The following NRXN3 variants were observed in gnomAD, a reference collection of about 807,000 sequenced individuals.
The protein encoded by NRXN3 is neurexin 3.
Under a neutral mutation model 137.6 loss-of-function variants are expected in NRXN3, and 32 were observed. The observed-to-expected ratio is 0.23, with a 90% confidence interval of 0.18 to 0.31. The LOEUF (loss-of-function observed/expected upper bound fraction) is 0.31. Ranked by LOEUF, NRXN3 falls within the 10% of genes least tolerant of loss-of-function variation. NRXN3 has a pLI of 1.00. For synonymous variants in NRXN3, 798 were observed against 784.5 expected, an observed-to-expected ratio of 1.02 and a Z score of -0.29; for missense variants, 1,574 against 2,062.5, an observed-to-expected ratio of 0.76 and a Z score of 4.59.
chr14:79,155,063 A>G (rs529727320), intron 15 of NRXN3, among the ~76,000 whole-genome samples: 50 of 151,952 alleles, frequency 3.3e-4, no homozygotes, highest in African/African-American at 1.0e-3. Flanking sequence ...TTCATTGTCA[A>G]CTACTGGACT....
intron 15 of NRXN3, among the ~76,000 whole-genome samples, chr14:79,270,693 G>A (rs1359453378): frequency 2.6e-5 from 4 of 151,436 alleles, no homozygotes; most frequent in Admixed American, 6.6e-5. Flanking sequence ...AGCTAGGAAA[G>A]AACAACTAAT....
intron 18 of NRXN3, 112 bp from the exon 19 acceptor site, chr14:79,697,518 C>A (rs562421405): frequency 1.8e-6 from 2 of 1,102,764 alleles, no homozygotes; most frequent in East Asian, 4.9e-5. Context: ...ATTTTTTCCT[C>A]CCCTTCAATT....
At chr14:79,221,546 T>G (rs2069677758) in intron 15 of NRXN3, among the ~76,000 whole-genome samples, 1 of 152,222 alleles carries the variant, frequency 6.6e-6, no homozygotes, top group Non-Finnish European at 1.5e-5. Context: ...CACATAAATG[T>G]CTTCTTTTGA....
intron 17 of NRXN3, among the ~76,000 whole-genome samples, chr14:79,684,506 T>TAAAC (rs1204377458): frequency 2.6e-5 from 4 of 152,310 alleles, no homozygotes; most frequent in Middle Eastern, 3.4e-3. Flanking sequence ...TACAATTTTA[T>TAAAC]AAACACTGGC....
intron 1 of NRXN3, among the ~76,000 whole-genome samples, chr14:78,188,217 G>A (rs1437270171): frequency 6.6e-6 from 1 of 152,182 alleles, no homozygotes; most frequent in Non-Finnish European, 1.5e-5. Flanking sequence ...AAAGATTGTA[G>A]TCTAACTCCT....
At chr14:78,493,081 G>A (rs907741044) in intron 4 of NRXN3, among the ~76,000 whole-genome samples, 7 of 152,098 alleles carry the variant, frequency 4.6e-5, no homozygotes, top group African/African-American at 1.7e-4. Flanking sequence ...AGGATGCCTC[G>A]AAAGTGACCA....
intron 15 of NRXN3, among the ~76,000 whole-genome samples, chr14:79,213,683 A>G (rs147367150): frequency 0.015 from 2,314 of 151,910 alleles, 66 homozygotes; most frequent in African/African-American, 0.052. Flanking sequence ...TGAAGACAAA[A>G]CGAGGATTTA....
At chr14:78,378,504 A>G (rs2088358065) in intron 4 of NRXN3, among the ~76,000 whole-genome samples, 1 of 139,226 alleles carries the variant, frequency 7.2e-6, no homozygotes, top group Non-Finnish European at 1.6e-5. Context: ...AAAAAAAAAA[A>G]TCAAATCATT....
At chr14:79,109,350 A>G (rs1054629423) in intron 15 of NRXN3, among the ~76,000 whole-genome samples, 3 of 152,170 alleles carry the variant, frequency 2.0e-5, no homozygotes, top group Non-Finnish European at 2.9e-5. Flanking sequence ...AGATAATTCT[A>G]TTTCTAATGT....
At chr14:79,141,120 C>T (rs2058747975) in intron 15 of NRXN3, among the ~76,000 whole-genome samples, 1 of 152,078 alleles carries the variant, frequency 6.6e-6, no homozygotes, top group African/African-American at 2.4e-5. Flanking sequence ...TAGTTGGTGC[C>T]TTTAATTGGC....
intron 4 of NRXN3, among the ~76,000 whole-genome samples, chr14:78,352,590 C>T (rs1016348695): frequency 2.0e-5 from 3 of 152,168 alleles, no homozygotes; most frequent in African/African-American, 4.8e-5. Flanking sequence ...GATTTACCCT[C>T]CACACTGTCA....
At chr14:79,128,225 T>C (rs1283326806) in intron 15 of NRXN3, among the ~76,000 whole-genome samples, 3 of 99,134 alleles carry the variant, frequency 3.0e-5, no homozygotes, top group East Asian at 2.6e-4. Flanking sequence ...TGAATAGGAG[T>C]GGTGAGAGAG....
intron 10 of NRXN3, among the ~76,000 whole-genome samples, chr14:78,941,761 C>G (rs1473841920): frequency 6.6e-6 from 1 of 152,214 alleles, no homozygotes; most frequent in East Asian, 1.9e-4. Flanking sequence ...AAATATTAAG[C>G]TCCAGTACAA....
intron 15 of NRXN3, among the ~76,000 whole-genome samples, chr14:79,154,813 A>G (rs2060115054): frequency 6.6e-6 from 1 of 151,964 alleles, no homozygotes; most frequent in Non-Finnish European, 1.5e-5. Context: ...TTTTTATGGT[A>G]ATGAAACGTA....
In NRXN3 at chr14:79,353,977, A is replaced by G. The variant is rs61993071; in HGVS notation, c.3263-113244A>G. The stretch of plus-strand genomic sequence containing the variant: ...GTTTTCAAAGACTTTTCAGTATGCT[A>G]ACTTTCAGTAGGGCTGGTTTCTATA... On this transcript the variant is annotated intron_variant, in intron 15 of 20. Coordinates refer to ENST00000335750, the MANE Select transcript of NRXN3 (RefSeq NM_001330195.2). 5.4e-3 allele frequency among the ~76,000 whole-genome samples: 828 copies of G among 152,284 alleles called. 7 individuals are homozygous for G. The highest frequency in any genetic ancestry group is 8.1e-3 in the Non-Finnish European group (554 of 67,998).
intron 4 of NRXN3, among the ~76,000 whole-genome samples, chr14:78,401,364 C>T (rs2092042094): frequency 6.6e-6 from 1 of 152,120 alleles, no homozygotes; most frequent in Non-Finnish European, 1.5e-5. Flanking sequence ...ATGGTTTTGC[C>T]ATATTGGCCA....
intron 10 of NRXN3, among the ~76,000 whole-genome samples, chr14:78,945,347 AT>A (rs763524062): frequency 2.0e-5 from 3 of 150,994 alleles, no homozygotes; most frequent in African/African-American, 4.9e-5. Context: ...ATCTGGCCTT[AT>A]TTTTTTTCTC....
intron 16 of NRXN3, among the ~76,000 whole-genome samples, chr14:79,513,938 A>G (rs1226706653): frequency 6.6e-6 from 1 of 152,184 alleles, no homozygotes; most frequent in Non-Finnish European, 1.5e-5. Flanking sequence ...TATACAATAA[A>G]TTAATACTTA....
At chr14:78,192,014 G>T (rs970869585) in intron 1 of NRXN3, among the ~76,000 whole-genome samples, 1 of 151,882 alleles carries the variant, frequency 6.6e-6, no homozygotes, top group African/African-American at 2.4e-5. Context: ...CTGCCACGAG[G>T]CCCCTTTGGA....
Sources: gnomAD v4.1 joint callset for allele counts (sites outside exome capture counted in the v4.1 genomes callset) on GRCh38, gnomAD v4.1.1 for gene constraint, MANE v1.5 for transcripts, NCBI Gene and HGNC (gene_info 2026-07-23, HGNC 2026-07-21) for gene names.